KDM3B: variants seen among roughly 807,000 people sequenced by gnomAD.
The protein encoded by KDM3B is lysine-specific demethylase 3B.
Under a neutral mutation model 170.0 loss-of-function variants are expected in KDM3B, and 10 were observed. That is an observed-to-expected ratio of 0.06 (90% CI 0.04 to 0.10). KDM3B has a LOEUF of 0.10. Among genes scored for constraint, KDM3B ranks in the 10% least tolerant of loss-of-function variants. The pLI is 1.00. For synonymous variants in KDM3B, 831 were observed against 834.8 expected (o/e 1.00, Z 0.08); for missense variants, 1,394 against 2,195.2 (o/e 0.64, Z 7.29).
intron 11 of KDM3B, among the ~76,000 whole-genome samples, chr5:138,404,739 T>TG (rs1267502134): frequency 5.3e-5 from 8 of 152,164 alleles, no homozygotes; most frequent in African/African-American, 1.9e-4. Context: ...TTTCTTTTTT[T>TG]TCTTGAGATG....
intron 23 of KDM3B, 120 bp from the exon 24 acceptor site, chr5:138,435,500 T>TA (rs1255397971): frequency 4.8e-5 from 34 of 701,406 alleles, no homozygotes; most frequent in Non-Finnish European, 7.8e-5. Context: ...TGGGGATTGA[T>TA]ACAGGAACGC....
At position 138,386,475 on chromosome 5, in the gene KDM3B, C is replaced by G; in HGVS notation, c.1234C>G (p.Gln412Glu). ...CAAAGAGGCAGGAAAAACACTGGAA[C>G]AAGTTGGCCAGGGCATAGTGGCTTC... The part of the protein sequence containing the change: ...ENKEAGKTLE[Q>E]VGQGIVASAA... The change falls in exon 7 of 24, where the codon CAA becomes GAA. Residue 412 changes from glutamine (Q) to glutamate (E), a missense_variant. By Grantham distance (29) the Gln-to-Glu change is conservative (BLOSUM62 2). Around this residue, in one of 19 missense-constraint regions of KDM3B, gnomAD observed 205 missense variants for 227.6 expected, o/e 0.90. Transcript: ENST00000314358. The G allele has an allele frequency of 6.2e-7, 1 of 1,614,176 alleles. No homozygotes were observed. Among genetic ancestry groups the G allele is most frequent in the Non-Finnish European group, 8.5e-7 (1 of 1,180,046 alleles).
rs541381270 is a variant in KDM3B, at chr5:138,391,639, G to T, written c.2007G>T (p.Lys669Asn). The change falls in exon 8 of 24, where the codon AAG (lysine) becomes AAT (asparagine). Residue 669 changes from lysine (K) to asparagine (N), a missense_variant. By Grantham distance (94) the Lys-to-Asn change is moderately conservative. This residue lies in a region of KDM3B where 294 missense variants were observed against 311.7 expected (regional missense o/e 0.94). Transcript: ENST00000314358. This position sits in a 1 kb window ranked among gnomAD's most constrained non-coding sequence, Gnocchi z 5.0. ...CTTCTGCTACCACTGTCACCTCCAA[G>T]GTGGCACCCAGCTGGCCCGAGTCTC... ...SSSSATTVTSKVAPSWPESHS... is the reference protein window; with the variant it reads ...SSSSATTVTSNVAPSWPESHS... 7 of 1,614,100 alleles carry T rather than the reference G, an allele frequency of 4.3e-6. No homozygotes were observed. In the East Asian group the frequency reaches 1.6e-4, roughly 36 times the overall value.
chr5:138,416,588 C>CAAAAAAAAA (rs545925296), intron 12 of KDM3B, among the ~76,000 whole-genome samples: 2 of 84,224 alleles, frequency 2.4e-5, no homozygotes, highest in Non-Finnish European at 4.6e-5. Context: ...GACTCTGTCT[C>CAAAAAAAAA]AAAAAAAAAA....
intron 1 of KDM3B, among the ~76,000 whole-genome samples, chr5:138,353,254 G>T (rs1037504037): frequency 1.3e-5 from 2 of 152,226 alleles, no homozygotes; most frequent in African/African-American, 4.8e-5. Flanking sequence ...CCTCCTGGGC[G>T]ACCCTTTTCT....
At chr5:138,365,094 A>G (rs146936631) in intron 1 of KDM3B, among the ~76,000 whole-genome samples, 45 of 152,280 alleles carry the variant, frequency 3.0e-4, no homozygotes, top group Middle Eastern at 3.4e-3. Context: ...ATTATTTTTA[A>G]CAGAGTTTAC....
At chr5:138,423,198 G>A (rs1255960699) in intron 15 of KDM3B, among the ~76,000 whole-genome samples, 1 of 152,152 alleles carries the variant, frequency 6.6e-6, no homozygotes, top group African/African-American at 2.4e-5. Context: ...CACCTGCCTT[G>A]GCCTCCCAAA....
At chr5:138,403,797 A>G (rs1054597042) in intron 11 of KDM3B, among the ~76,000 whole-genome samples, 6 of 151,190 alleles carry the variant, frequency 4.0e-5, no homozygotes, top group African/African-American at 1.5e-4. Flanking sequence ...GTTCAATTCC[A>G]GCCTAGGCAA....
chr5:138,427,866 C>A, intron 19 of KDM3B, 101 bp from the exon 20 acceptor site: 1 of 1,052,386 alleles, frequency 9.5e-7, no homozygotes, highest in Non-Finnish European at 1.4e-6. Flanking sequence ...CCTAATTTTA[C>A]TCATTTAACA....
At chr5:138,417,674 C>G in intron 13 of KDM3B, 64 bp downstream of exon 13, 1 of 1,536,184 alleles carries the variant, frequency 6.5e-7, no homozygotes, top group South Asian at 1.1e-5. Context: ...GGAAATGCCC[C>G]CTTTTCAACT....
Position 138,352,961 on chromosome 5 carries a change from A to G in KDM3B, c.166A>G (p.Ser56Gly). Residue 56 changes from serine (S) to glycine (G), a missense_variant, in exon 1 of 24, where the codon AGC (serine) becomes GGC (glycine). Coordinates refer to ENST00000314358, the MANE Select transcript of KDM3B (RefSeq NM_016604.4). The part of the protein sequence containing the change: ...AWRAGTVRAM[S>G]GAVPQDLAIF... ...GCGGGCCGGCACGGTGCGGGCCATGAGCGGGGCGGTGCCCCAGGACCTAGC... is the reference window on the plus strand; with the variant it reads ...GCGGGCCGGCACGGTGCGGGCCATGGGCGGGGCGGTGCCCCAGGACCTAGC... 4.8e-6 allele frequency: 6 copies of G among 1,259,350 alleles called. No individual in the cohort carries two copies. The highest frequency in any genetic ancestry group is 6.0e-6 in the Non-Finnish European group (6 of 1,005,814). 78.0% of individuals were successfully genotyped at this position (1,259,350 alleles called of 1,614,324 possible).
chr5:138,360,021 T>G (rs1377864194), intron 1 of KDM3B, among the ~76,000 whole-genome samples: 1 of 152,178 alleles, frequency 6.6e-6, no homozygotes, highest in Non-Finnish European at 1.5e-5. Context: ...CCACCGAACC[T>G]TTCCTCTGTC....
intron 7 of KDM3B, among the ~76,000 whole-genome samples, chr5:138,387,987 A>G (rs910307934): frequency 6.6e-6 from 1 of 151,820 alleles, no homozygotes; most frequent in Non-Finnish European, 1.5e-5. Flanking sequence ...AGGCTGAGGC[A>G]GGAGGATGGC....
At position 138,352,958 on chromosome 5, in the gene KDM3B, A is replaced by C; in HGVS notation, c.163A>C (p.Met55Leu). ...CTGGCGGGCCGGCACGGTGCGGGCC[A>C]TGAGCGGGGCGGTGCCCCAGGACCT... The part of the protein sequence containing the change: ...RAWRAGTVRA[M>L]SGAVPQDLAI... Residue 55 changes from methionine to leucine, a missense_variant, in exon 1 of 24, where the codon ATG becomes CTG. Around this residue, in one of 19 missense-constraint regions of KDM3B, gnomAD observed 99 missense variants for 97.5 expected, o/e 1.02. Coordinates refer to ENST00000314358, the MANE Select transcript of KDM3B (RefSeq NM_016604.4). The C allele has an allele frequency of 8.0e-7, 1 of 1,257,580 alleles. No homozygotes were observed. The allele number at this position is 1,257,580 out of a possible 1,614,324, so 77.9% of individuals were successfully genotyped here. A position where few individuals can be genotyped will look rare whatever the true frequency, so the allele number is the denominator to read the frequency against.
At chr5:138,381,658 T>A in intron 6 of KDM3B, 68 bp downstream of exon 6, 1 of 938,292 alleles carries the variant, frequency 1.1e-6, no homozygotes, top group African/African-American at 1.9e-5. Flanking sequence ...TGTAGATCCC[T>A]TATATATGTG....
At chr5:138,379,010 ACT>A (rs528481933) in intron 4 of KDM3B, among the ~76,000 whole-genome samples, 52 of 151,948 alleles carry the variant, frequency 3.4e-4, no homozygotes, top group Non-Finnish European at 5.4e-4. Context: ...TATATTTGAA[ACT>A]CTGCGTTCCT....
intron 11 of KDM3B, among the ~76,000 whole-genome samples, chr5:138,406,174 C>G (rs1762814482): frequency 6.6e-6 from 1 of 151,798 alleles, no homozygotes; most frequent in Non-Finnish European, 1.5e-5. Context: ...GCAAGACTCC[C>G]ATCTCTACAA....
intron 11 of KDM3B, among the ~76,000 whole-genome samples, chr5:138,402,195 A>T (rs1762710962): frequency 6.6e-6 from 1 of 152,174 alleles, no homozygotes; most frequent in African/African-American, 2.4e-5. Flanking sequence ...AACTGCTGGA[A>T]TTATAGGTGT....
At chr5:138,384,855 A>G (rs1318765413) in intron 6 of KDM3B, among the ~76,000 whole-genome samples, 2 of 149,318 alleles carry the variant, frequency 1.3e-5, no homozygotes, top group Non-Finnish European at 3.0e-5. Flanking sequence ...TGGAGGTTGC[A>G]GTGAGCCAAG....
Sources: gnomAD v4.1 joint callset for allele counts (sites outside exome capture counted in the v4.1 genomes callset) on GRCh38, gnomAD v4.1.1 for gene constraint, gnomAD v4.1.1 regional missense constraint, Gnocchi (gnomAD v3.1) non-coding constraint, MANE v1.5 for transcripts, NCBI Gene and HGNC (gene_info 2026-07-23, HGNC 2026-07-21) for gene names.